Variants in CLPSL2 observed in about 807,000 individuals in gnomAD.
CLPSL2 encodes colipase like 2, also known as colipase-like protein 2.
Under a neutral mutation model 7.9 loss-of-function variants are expected in CLPSL2, and 4 were observed. That is an observed-to-expected ratio of 0.50 (90% CI 0.25 to 1.15). The LOEUF is 1.15. Ranked by LOEUF, CLPSL2 falls within the 50% of genes most tolerant of loss-of-function variation. The pLI is 0.15. For missense variants in CLPSL2, 132 were observed against 136.6 expected (o/e 0.97, Z 0.17); for synonymous variants, 67 against 53.1 (o/e 1.26, Z -1.14).
rs765588339 is a variant in CLPSL2, at chr6:35,779,389, G to T, written c.242G>T (p.Arg81Leu). ...GCTACCAACATCATCTGCCCTTGCC[G>T]GATGGGCTTGACGTGCATATCCAAG... ...KGATNIICPC[R>L]MGLTCISKDL... The change falls in exon 3 of 3, where the codon CGG becomes CTG. Residue 81 changes from arginine (R) to leucine (L), a missense_variant. Physicochemically the swap from Arg to Leu is moderately radical, Grantham distance 102 (BLOSUM62 -2). Coordinates refer to ENST00000403376, the MANE Select transcript of CLPSL2 (RefSeq NM_207409.4). 3.2e-6 allele frequency: 5 copies of T among 1,584,406 alleles called. No homozygotes were observed. Among genetic ancestry groups the T allele is most frequent in the Non-Finnish European group, 4.3e-6 (5 of 1,164,128 alleles).
intron 2 of CLPSL2, chr6:35,777,953 T>A (rs1375498647): frequency 1.4e-6 from 1 of 715,870 alleles, no homozygotes; most frequent in South Asian, 1.5e-5. Context: ...AAATGCTTAT[T>A]GTTGTTTGTT....
At position 35,779,372 on chromosome 6, in the gene CLPSL2, C is replaced by T. The variant is rs1291812947; in HGVS notation, c.225C>T (p.Asn75=). Residue 75 remains asparagine, a synonymous_variant, in exon 3 of 3, where the codon AAC becomes AAT. Coordinates refer to ENST00000403376, the MANE Select transcript of CLPSL2 (RefSeq NM_207409.4). ...ICLPQTKGAT[N]IICPCRMGLT... Reference sequence around the variant, plus strand: ...CCCTGCAGACCAAGGGAGCTACCAACATCATCTGCCCTTGCCGGATGGGCT... The same window carrying T: ...CCCTGCAGACCAAGGGAGCTACCAATATCATCTGCCCTTGCCGGATGGGCT... 10 of 1,575,844 alleles carry T rather than the reference C, an allele frequency of 6.3e-6. No individual in the cohort carries two copies. In the South Asian group the frequency reaches 1.2e-4, roughly 18 times the overall value.
At position 35,779,314 on chromosome 6, in the gene CLPSL2, G is replaced by A. The variant is rs200261722; in HGVS notation, c.208-41G>A. ...AGAAGTTTAAGTCCCCATCCTTCCT[G>A]CATCCTGGTGACTCCCGATTCTCAT... On this transcript the variant is annotated intron_variant, in intron 2 of 2. Coordinates refer to ENST00000403376, the MANE Select transcript of CLPSL2 (RefSeq NM_207409.4). 9.5e-5 allele frequency: 142 copies of A among 1,497,194 alleles called. No homozygotes were observed. In the African/African-American group the frequency reaches 1.8e-3, roughly 19 times the overall value. 92.7% of individuals were successfully genotyped at this position (1,497,194 alleles called of 1,614,324 possible).
rs1048721131 is a variant in CLPSL2, at chr6:35,779,457, A to G, written c.*7A>G. The stretch of plus-strand genomic sequence containing the variant: ...CCGGTGCCATATGATTTAGAGGAAG[A>G]TGCAGGCTGGTCACTGCTCCCTTGG... On this transcript the variant is annotated 3_prime_UTR_variant, in exon 3 of 3. Transcript: ENST00000403376. 1.9e-6 allele frequency: 3 copies of G among 1,570,948 alleles called. No homozygotes were observed. Among genetic ancestry groups the G allele is most frequent in the Non-Finnish European group, 8.6e-7 (1 of 1,157,680 alleles).
intron 2 of CLPSL2, chr6:35,777,988 C>T (rs770428222): frequency 3.4e-5 from 24 of 697,382 alleles, no homozygotes; most frequent in Non-Finnish European, 6.4e-5. Context: ...TGGAGTCTCG[C>T]TCTGTCACCC....
intron 2 of CLPSL2, among the ~76,000 whole-genome samples, chr6:35,778,601 C>T (rs532565194): frequency 2.0e-5 from 3 of 152,276 alleles, no homozygotes; most frequent in African/African-American, 7.2e-5. Context: ...ATGGTTGTCA[C>T]TCGCTTTTAG....
intron 1 of CLPSL2, 140 bp downstream of exon 1, chr6:35,776,842 C>T: frequency 1.5e-6 from 1 of 676,796 alleles, no homozygotes; most frequent in Non-Finnish European, 2.2e-6. Context: ...TAGCCTGGGG[C>T]ATCCTCAGAC....
At chr6:35,776,837 T>TG (rs1767847104) in intron 1 of CLPSL2, 135 bp downstream of exon 1, 1 of 727,438 alleles carries the variant, frequency 1.4e-6, no homozygotes. Flanking sequence ...GCGGGTAGCC[T>TG]GGGGCATCCT....
chr6:35,777,299 G>A (rs974092387), intron 1 of CLPSL2, among the ~76,000 whole-genome samples, 160 bp from the exon 2 acceptor site: 2 of 137,782 alleles, frequency 1.5e-5, no homozygotes, highest in African/African-American at 5.4e-5. Flanking sequence ...CTGAGGGGCC[G>A]GGGTGGGGCT....
intron 1 of CLPSL2, 148 bp from the exon 2 acceptor site, chr6:35,777,311 G>GT (rs551536109): frequency 1.1e-5 from 9 of 807,556 alleles, no homozygotes; most frequent in East Asian, 5.2e-5. Context: ...GGTGGGGCTG[G>GT]GGGGGGAACC....
chr6:35,777,327 C>A, intron 1 of CLPSL2, 132 bp from the exon 2 acceptor site: 1 of 1,037,362 alleles, frequency 9.6e-7, no homozygotes. Context: ...GAACCAGCCC[C>A]CCAAGGGGTG....
Position 35,779,430 on chromosome 6 carries a change from C to T in CLPSL2, c.283C>T (p.Arg95Cys), listed in dbSNP as rs182349553. The T allele has an allele frequency of 3.9e-5, 62 of 1,583,638 alleles. No individual in the cohort carries two copies. The highest frequency in any genetic ancestry group is 3.6e-4 in the African/African-American group (27 of 74,414). Residue 95 changes from arginine to cysteine, a missense_variant, in exon 3 of 3, where the codon CGC (arginine) becomes TGC (cysteine). Coordinates refer to ENST00000403376, the MANE Select transcript of CLPSL2 (RefSeq NM_207409.4). Reference sequence around the variant, plus strand: ...CATATCCAAGGACTTGATGTGTTCCCGCCGGTGCCATATGATTTAGAGGAA... The same window carrying T: ...CATATCCAAGGACTTGATGTGTTCCTGCCGGTGCCATATGATTTAGAGGAA... ...TCISKDLMCS[R>C]RCHMI
chr6:35,776,776 G>C, intron 1 of CLPSL2, 74 bp downstream of exon 1: 1 of 1,278,306 alleles, frequency 7.8e-7, no homozygotes, highest in Non-Finnish European at 1.0e-6. Flanking sequence ...ACTGGAGCCC[G>C]AAGGCGCCGG....
At position 35,777,535 on chromosome 6, in the gene CLPSL2, C is replaced by G. The variant is rs770405782; in HGVS notation, c.161C>G (p.Ala54Gly). The G allele has an allele frequency of 1.4e-5, 23 of 1,613,782 alleles. No homozygotes were observed. In the East Asian group the frequency reaches 2.0e-4, roughly 14 times the overall value. The change falls in exon 2 of 3, where the codon GCC (alanine) becomes GGC (glycine). Residue 54 changes from alanine (A) to glycine (G), a missense_variant. Ala to Gly is a moderately conservative substitution (Grantham distance 60). Transcript: ENST00000403376. ...CTCATGGACTTGGACTCCGGTGGAG[C>G]CTTCTGTGCCCCCAGGGCCAGAATA... ...CCLMDLDSGG[A>G]FCAPRARITM... is the part of the protein sequence containing the mutation.
At position 35,776,705 on chromosome 6, in the gene CLPSL2, G is replaced by A; in HGVS notation, c.84+3G>A. Reference sequence around the variant, plus strand: ...GCGCGCTTCCGCAATATAAAAAGGTGAGCCGGGGAGCGCGCCCAGCCGGCC... The same window carrying A: ...GCGCGCTTCCGCAATATAAAAAGGTAAGCCGGGGAGCGCGCCCAGCCGGCC... On this transcript the variant is annotated splice_donor_region_variant and intron_variant, in intron 1 of 2. Coordinates refer to ENST00000403376, the MANE Select transcript of CLPSL2 (RefSeq NM_207409.4). 9 of 1,393,250 alleles carry A rather than the reference G, an allele frequency of 6.5e-6. No homozygotes were observed. Among genetic ancestry groups the A allele is most frequent in the Non-Finnish European group, 8.3e-6 (9 of 1,078,080 alleles). The allele number at this position is 1,393,250 out of a possible 1,614,324, so 86.3% of individuals were successfully genotyped here.
chr6:35,779,336 T>G lies in CLPSL2; in HGVS notation c.208-19T>G. The G allele has an allele frequency of 6.5e-7, 1 of 1,538,860 alleles. No homozygotes were observed. On this transcript the variant is annotated intron_variant, in intron 2 of 2. Coordinates refer to ENST00000403376, the MANE Select transcript of CLPSL2 (RefSeq NM_207409.4). The stretch of plus-strand genomic sequence containing the variant: ...CCTGCATCCTGGTGACTCCCGATTC[T>G]CATACCCACTCCCTGCAGACCAAGG...
intron 1 of CLPSL2, among the ~76,000 whole-genome samples, chr6:35,777,163 C>A (rs972824039): frequency 1.3e-5 from 2 of 152,118 alleles, no homozygotes; most frequent in African/African-American, 4.8e-5. Flanking sequence ...CCAACCCTGC[C>A]CCGCAAAATG....
At position 35,777,552 on chromosome 6, in the gene CLPSL2, G is replaced by C; in HGVS notation, c.178G>C (p.Ala60Pro). ...DSGGAFCAPR[A>P]RITMICLPQT... The stretch of plus-strand genomic sequence containing the variant: ...CGGTGGAGCCTTCTGTGCCCCCAGG[G>C]CCAGAATAACCATGATCTGCTTGCC... Residue 60 changes from alanine to proline, a missense_variant, in exon 2 of 3, where the codon GCC becomes CCC. Physicochemically the swap from Ala to Pro is conservative, Grantham distance 27 (BLOSUM62 -1). Coordinates refer to ENST00000403376, the MANE Select transcript of CLPSL2 (RefSeq NM_207409.4). 1.2e-6 allele frequency: 2 copies of C among 1,613,708 alleles called. No homozygotes were observed. The highest frequency in any genetic ancestry group is 1.7e-6 in the Non-Finnish European group (2 of 1,179,800).
Position 35,776,660 on chromosome 6 carries a change from G to C in CLPSL2, c.42G>C (p.Gly14=). The change falls in exon 1 of 3, where the codon GGG becomes GGC. Residue 14 remains glycine (G), a synonymous_variant. Transcript: ENST00000403376. ...CGCTCGTGGCGGGGGTCCTGTCGGG[G>C]GCGGTGCTGCCCCTCTGGAGCGCGC... ...ALALVAGVLS[G]AVLPLWSALP... The C allele has an allele frequency of 6.7e-7, 1 of 1,493,052 alleles. No individual in the cohort carries two copies. The highest frequency in any genetic ancestry group is 2.4e-4 in the Middle Eastern group (1 of 4,238). The allele number at this position is 1,493,052 out of a possible 1,614,324, so 92.5% of individuals were successfully genotyped here.
Sources: gnomAD v4.1 joint callset for allele counts (sites outside exome capture counted in the v4.1 genomes callset) on GRCh38, gnomAD v4.1.1 for gene constraint, MANE v1.5 for transcripts, NCBI Gene and HGNC (gene_info 2026-07-23, HGNC 2026-07-21) for gene names.